The following CHD9 variants were observed in gnomAD, a reference collection of about 807,000 sequenced individuals.
The protein encoded by CHD9 is chromodomain helicase DNA binding protein 9.
A neutral mutation model predicts 316.1 loss-of-function variants in CHD9; 77 were observed. The ratio of observed to expected loss-of-function variants is 0.24; its 90% CI spans 0.20 to 0.29. The LOEUF (loss-of-function observed/expected upper bound fraction) is 0.29. Ranked by LOEUF, CHD9 falls within the 10% of genes least tolerant of loss-of-function variation. The pLI, the probability that CHD9 is intolerant of heterozygous loss-of-function variation, is 1.00. For synonymous variants in CHD9, 1,129 were observed against 1,158.3 expected (o/e 0.97, Z 0.51); for missense variants, 2,763 against 3,438.1 (o/e 0.80, Z 4.91).
At position 53,325,541 on chromosome 16, in the gene CHD9, G is replaced by A. The variant is rs2057512361; in HGVS notation, c.*646G>A. 1 of 152,466 alleles carries A rather than the reference G, an allele frequency of 6.6e-6. No individual in the cohort carries two copies. The highest frequency in any genetic ancestry group is 2.1e-4 in the South Asian group (1 of 4,828). 9.4% of individuals were successfully genotyped at this position (152,466 alleles called of 1,614,324 possible). A position where few individuals can be genotyped will look rare whatever the true frequency, so the allele number is the denominator to read the frequency against. Reference sequence around the variant, plus strand: ...TTCTAATTCTATACTTGTTTTCAGGGGTTTTTTAAACACATCCTATATATC... The same window carrying A: ...TTCTAATTCTATACTTGTTTTCAGGAGTTTTTTAAACACATCCTATATATC... On this transcript the variant is annotated 3_prime_UTR_variant, in exon 39 of 39. Transcript: ENST00000447540.
intron 2 of CHD9, among the ~76,000 whole-genome samples, chr16:53,193,273 C>T (rs1204116540): frequency 1.3e-5 from 2 of 151,844 alleles, no homozygotes. Flanking sequence ...ACGGTGAAAC[C>T]CTGTCGCTAC....
rs781749491 is a variant in CHD9, at chr16:53,157,503, C to T, written c.1414C>T (p.His472Tyr). ...GCATTCATCATTTTCTAATCATCAG[C>T]ATTTACATGACAGAAATCACCTATG... ...SWHSSFSNHQHLHDRNHLCLQ... is the reference protein window; with the variant it reads ...SWHSSFSNHQYLHDRNHLCLQ... Residue 472 changes from histidine to tyrosine, a missense_variant, in exon 2 of 39, where the codon CAT becomes TAT. Coordinates refer to ENST00000447540, the MANE Select transcript of CHD9 (RefSeq NM_001308319.2). 5 of 1,613,712 alleles carry T rather than the reference C, an allele frequency of 3.1e-6. No individual in the cohort carries two copies. In the East Asian group the frequency reaches 6.7e-5, roughly 22 times the overall value.
At chr16:53,214,021 TAG>T (rs1482542524) in intron 3 of CHD9, among the ~76,000 whole-genome samples, 2 of 152,162 alleles carry the variant, frequency 1.3e-5, no homozygotes, top group Non-Finnish European at 2.9e-5. Flanking sequence ...CAAACTCTAG[TAG>T]GAATTAAGTA....
chr16:53,208,304 G>T (rs904018550), intron 2 of CHD9: 3 of 1,278,900 alleles, frequency 2.3e-6, no homozygotes, highest in Non-Finnish European at 3.0e-6. Flanking sequence ...GCAAGCCTTT[G>T]TCTGACGCCA....
At position 53,304,060 on chromosome 16, in the gene CHD9, A is replaced by G. The variant is rs1025036471; in HGVS notation, c.6054A>G (p.Gln2018=). ...GGACTTCTACCCCACTTCTACAGCA[A>G]TATCAAGTAGCACTTTCTGCTTCTC... ...HSRTSTPLLQ[Q]YQVALSASPL... The change falls in exon 31 of 39, where the codon CAA becomes CAG. Residue 2018 remains glutamine (Q), a synonymous_variant. Coordinates refer to ENST00000447540, the MANE Select transcript of CHD9 (RefSeq NM_001308319.2). 6 of 1,613,914 alleles carry G rather than the reference A, an allele frequency of 3.7e-6. No individual in the cohort carries two copies. The highest frequency in any genetic ancestry group is 1.6e-4 in the Middle Eastern group (1 of 6,084).
intron 2 of CHD9, among the ~76,000 whole-genome samples, chr16:53,184,905 C>G (rs1332358027): frequency 6.6e-6 from 1 of 152,144 alleles, no homozygotes; most frequent in African/African-American, 2.4e-5. Context: ...TTTTCTCTCT[C>G]CTGCCACCAT....
chr16:53,282,613 A>G (rs2053514519), intron 24 of CHD9, among the ~76,000 whole-genome samples: 1 of 152,172 alleles, frequency 6.6e-6, no homozygotes, highest in Non-Finnish European at 1.5e-5. Context: ...TCTCAAAAAA[A>G]CAGAAAAGAA....
At chr16:53,057,757 A>G (rs912363622) in intron 1 of CHD9, among the ~76,000 whole-genome samples, 3 of 152,222 alleles carry the variant, frequency 2.0e-5, no homozygotes, top group African/African-American at 7.2e-5. Flanking sequence ...TAGAATAGTG[A>G]AAAAGTTGAG....
At chr16:53,202,780 A>T (rs1188364597) in intron 2 of CHD9, among the ~76,000 whole-genome samples, 4 of 152,296 alleles carry the variant, frequency 2.6e-5, no homozygotes, top group South Asian at 2.1e-4. Flanking sequence ...TAAAAAAAAA[A>T]GGAATGTCAT....
chr16:53,123,753 C>T (rs763750063), intron 1 of CHD9, among the ~76,000 whole-genome samples: 7 of 151,928 alleles, frequency 4.6e-5, no homozygotes, highest in Non-Finnish European at 4.4e-5. Flanking sequence ...CTGCCCACCT[C>T]GGCCTCCCAA....
intron 36 of CHD9, among the ~76,000 whole-genome samples, 166 bp downstream of exon 36, chr16:53,315,210 A>G (rs1405243832): frequency 6.6e-6 from 1 of 152,180 alleles, no homozygotes; most frequent in Non-Finnish European, 1.5e-5. Context: ...ATACAATACA[A>G]TGTTATTTTC....
Position 53,235,901 on chromosome 16 carries a change from T to C in CHD9, c.2633+595T>C, listed in dbSNP as rs1273451668. ...ACTGCGATTGAGAAAGCATAGTAGT[T>C]ACATATGCAAAAGAGCAAATAAAGG... On this transcript the variant is annotated intron_variant, in intron 11 of 38. Transcript: ENST00000447540. 2.0e-5 allele frequency among the ~76,000 whole-genome samples: 3 copies of C among 152,182 alleles called. No homozygotes were observed. In the East Asian group the frequency reaches 5.8e-4, roughly 29 times the overall value.
chr16:53,307,274 T>C (rs2056071860), intron 32 of CHD9, among the ~76,000 whole-genome samples: 1 of 152,104 alleles, frequency 6.6e-6, no homozygotes, highest in Admixed American at 6.5e-5. Flanking sequence ...TTTTTGTCTG[T>C]TTGTTTGTTT....
chr16:53,080,539 C>T (rs987257039), intron 1 of CHD9, among the ~76,000 whole-genome samples: 13 of 152,262 alleles, frequency 8.5e-5, no homozygotes, highest in African/African-American at 2.4e-4. Context: ...TTGAGTCATT[C>T]GTGATGTGTT....
At chr16:53,301,954 G>A (rs1487821152) in intron 30 of CHD9, among the ~76,000 whole-genome samples, 5 of 151,558 alleles carry the variant, frequency 3.3e-5, no homozygotes, top group Non-Finnish European at 7.4e-5. Context: ...TAGTAGAGAC[G>A]GGGTTTCACC....
intron 1 of CHD9, among the ~76,000 whole-genome samples, chr16:53,116,926 A>G (rs1474526054): frequency 6.6e-6 from 1 of 152,194 alleles, no homozygotes; most frequent in Admixed American, 6.5e-5. Flanking sequence ...TTTTGCAGGG[A>G]CATGGATGGA....
chr16:53,137,146 G>C (rs1242034818), intron 1 of CHD9, among the ~76,000 whole-genome samples: 1 of 151,958 alleles, frequency 6.6e-6, no homozygotes, highest in East Asian at 1.9e-4. Context: ...GCTAATTTTT[G>C]TATTTTTAGT....
At chr16:53,191,092 C>T (rs1200299831) in intron 2 of CHD9, among the ~76,000 whole-genome samples, 1 of 152,082 alleles carries the variant, frequency 6.6e-6, no homozygotes, top group Non-Finnish European at 1.5e-5. Flanking sequence ...TGCCCCATTG[C>T]AGGTAGTCTT....
intron 1 of CHD9, among the ~76,000 whole-genome samples, chr16:53,142,932 T>A (rs2040236028): frequency 6.6e-6 from 1 of 152,190 alleles, no homozygotes; most frequent in South Asian, 2.1e-4. Flanking sequence ...AAGAAGGCCC[T>A]CTGATGCAAG....
Sources: gnomAD v4.1 joint callset for allele counts (sites outside exome capture counted in the v4.1 genomes callset) on GRCh38, gnomAD v4.1.1 for gene constraint, MANE v1.5 for transcripts, NCBI Gene and HGNC (gene_info 2026-07-23, HGNC 2026-07-21) for gene names.